Variants in GPRIN3 observed in about 807,000 individuals in gnomAD.
The protein encoded by GPRIN3 is G protein-regulated inducer of neurite outgrowth 3.
GPRIN3 carries 12 observed loss-of-function variants against 13.7 expected under a neutral mutation model. That is an observed-to-expected ratio of 0.87 (90% confidence interval 0.56 to 1.42). GPRIN3 has a LOEUF of 1.42. Ranked by LOEUF, GPRIN3 falls within the 40% of genes most tolerant of loss-of-function variation. The pLI, the probability that GPRIN3 is intolerant of heterozygous loss-of-function variation, is 0.00. For missense variants in GPRIN3, 1,009 were observed against 958.7 expected, an observed-to-expected ratio of 1.05 and a Z score of -0.69; for synonymous variants, 377 against 372.7, an observed-to-expected ratio of 1.01 and a Z score of -0.13.
intron 1 of GPRIN3, among the ~76,000 whole-genome samples, chr4:89,273,167 A>G (rs1249179502): frequency 2.6e-5 from 4 of 152,212 alleles, no homozygotes; most frequent in Non-Finnish European, 4.4e-5. Context: ...TAATGCAATC[A>G]CCACTAAAAA....
intron 1 of GPRIN3, among the ~76,000 whole-genome samples, chr4:89,264,649 G>A (rs1211061731): frequency 6.6e-6 from 1 of 152,100 alleles, no homozygotes. Context: ...GGTGAGGACA[G>A]AATAAGGGGC....
chr4:89,237,726 A>G lies in GPRIN3; in HGVS notation c.*10054T>C, dbSNP rs1236432598. On this transcript the variant is annotated 3_prime_UTR_variant, in exon 2 of 2. Coordinates refer to ENST00000609438, the MANE Select transcript of GPRIN3 (RefSeq NM_198281.3). The stretch of plus-strand genomic sequence containing the variant: ...AATTCAGACAGGGTGGTTGACCAAA[A>G]GTGATCTTATATTGTTTACAAAAGG... The G allele has an allele frequency of 1.3e-5, 2 of 152,198 alleles. No individual in the cohort carries two copies. The highest frequency in any genetic ancestry group is 2.9e-5 in the Non-Finnish European group (2 of 68,032). The allele number at this position is 152,198 out of a possible 1,614,324, so 9.4% of individuals were successfully genotyped here. A position where few individuals can be genotyped will look rare whatever the true frequency, so the allele number is the denominator to read the frequency against.
In GPRIN3 at chr4:89,238,660, G is replaced by A. The variant is rs1722846651; in HGVS notation, c.*9120C>T. On this transcript the variant is annotated 3_prime_UTR_variant, in exon 2 of 2. Transcript: ENST00000609438. The stretch of plus-strand genomic sequence containing the variant: ...GAAAAACCTCGCGTTTGATGACCAG[G>A]AGGAATTGTTGATTCTATGGGAATT... 6.6e-6 allele frequency: 1 copy of A among 152,014 alleles called. No individual in the cohort carries two copies. The highest frequency in any genetic ancestry group is 2.4e-5 in the African/African-American group (1 of 41,372). The allele number at this position is 152,014 out of a possible 1,614,324, so 9.4% of individuals were successfully genotyped here.
intron 1 of GPRIN3, among the ~76,000 whole-genome samples, chr4:89,275,136 C>CTGTGTGTGTGTGTGTGTGTGTGTGTG (rs56091424): frequency 1.3e-5 from 2 of 149,254 alleles, no homozygotes; most frequent in African/African-American, 5.0e-5. Context: ...CTAAGTAACT[C>CTGTGTGTGTGTGTGTGTGTGTGTGTG]TGTGTGTGTG....
intron 1 of GPRIN3, among the ~76,000 whole-genome samples, chr4:89,294,127 A>C (rs1277513591): frequency 6.6e-6 from 1 of 152,240 alleles, no homozygotes; most frequent in Non-Finnish European, 1.5e-5. Context: ...AAAACTAACA[A>C]TTAATTTGAA....
intron 1 of GPRIN3, among the ~76,000 whole-genome samples, chr4:89,290,553 G>C (rs531201429): frequency 6.6e-6 from 1 of 151,990 alleles, no homozygotes; most frequent in East Asian, 1.9e-4. Flanking sequence ...AAAATAACCC[G>C]TTCCTGATAC....
intron 1 of GPRIN3, among the ~76,000 whole-genome samples, chr4:89,301,148 T>C (rs1255624246): frequency 6.6e-6 from 1 of 152,144 alleles, no homozygotes. Flanking sequence ...GAAACTAATT[T>C]AGAGTGAAGG....
chr4:89,280,978 C>T (rs1724230594), intron 1 of GPRIN3, among the ~76,000 whole-genome samples: 1 of 152,018 alleles, frequency 6.6e-6, no homozygotes, highest in African/African-American at 2.4e-5. Context: ...GTTCTTCAGG[C>T]TTTATGGGAA....
At chr4:89,306,698 C>T (rs1217283881) in intron 1 of GPRIN3, among the ~76,000 whole-genome samples, 1 of 152,152 alleles carries the variant, frequency 6.6e-6, no homozygotes, top group African/African-American at 2.4e-5. Context: ...CTTTTGCCCA[C>T]CTCCTCGGCT....
chr4:89,260,283 C>T (rs1427932802), intron 1 of GPRIN3, among the ~76,000 whole-genome samples: 2 of 152,188 alleles, frequency 1.3e-5, no homozygotes, highest in Non-Finnish European at 1.5e-5. Flanking sequence ...GTCTTATGGT[C>T]TATACCTGCT....
chr4:89,287,441 G>GCACAGGAT (rs1444125478), intron 1 of GPRIN3, among the ~76,000 whole-genome samples: 1 of 152,158 alleles, frequency 6.6e-6, no homozygotes, highest in African/African-American at 2.4e-5. Context: ...CTATTTCCTA[G>GCACAGGAT]CACAGGATAA....
chr4:89,294,396 T>C (rs1424021780), intron 1 of GPRIN3, among the ~76,000 whole-genome samples: 1 of 152,158 alleles, frequency 6.6e-6, no homozygotes, highest in Non-Finnish European at 1.5e-5. Context: ...GAAAGAAAAT[T>C]GAAACCAATT....
intron 1 of GPRIN3, among the ~76,000 whole-genome samples, chr4:89,251,607 A>C (rs1049841759): frequency 6.6e-6 from 1 of 152,262 alleles, no homozygotes; most frequent in Non-Finnish European, 1.5e-5. Flanking sequence ...AGTATTATGC[A>C]ACCAGTAAAG....
chr4:89,236,966 A>G lies in GPRIN3; in HGVS notation c.*10814T>C, dbSNP rs962877348. 6.6e-6 allele frequency: 1 copy of G among 152,208 alleles called. No homozygotes were observed. The highest frequency in any genetic ancestry group is 2.4e-5 in the African/African-American group (1 of 41,446). 9.4% of individuals were successfully genotyped at this position (152,208 alleles called of 1,614,324 possible). A position where few individuals can be genotyped will look rare whatever the true frequency, so the allele number is the denominator to read the frequency against. On this transcript the variant is annotated 3_prime_UTR_variant, in exon 2 of 2. Coordinates refer to ENST00000609438, the MANE Select transcript of GPRIN3 (RefSeq NM_198281.3). ...AGCAAATGCTTTGGAGCCCTTTAAG[A>G]AGTCTTATCTTGCTTTTAAACACCT... is the stretch of plus-strand genomic sequence containing the variant.
intron 1 of GPRIN3, among the ~76,000 whole-genome samples, chr4:89,260,389 C>T (rs1019254679): frequency 8.5e-5 from 13 of 152,100 alleles, no homozygotes; most frequent in African/African-American, 2.7e-4. Flanking sequence ...TTTGCTGGGG[C>T]CACAATCTTC....
chr4:89,291,895 A>G (rs1724582650), intron 1 of GPRIN3, among the ~76,000 whole-genome samples: 1 of 134,570 alleles, frequency 7.4e-6, no homozygotes, highest in South Asian at 2.3e-4. Context: ...TTAACATTTC[A>G]TCTTTTTAGA....
chr4:89,302,761 T>C (rs1724931538), intron 1 of GPRIN3, among the ~76,000 whole-genome samples: 1 of 152,196 alleles, frequency 6.6e-6, no homozygotes, highest in South Asian at 2.1e-4. Context: ...AGACTCTAAA[T>C]GTTTTTGTTA....
At chr4:89,265,898 T>C (rs1723766283) in intron 1 of GPRIN3, among the ~76,000 whole-genome samples, 1 of 152,228 alleles carries the variant, frequency 6.6e-6, no homozygotes, top group African/African-American at 2.4e-5. Flanking sequence ...TGATAAGATA[T>C]GACAATTTTT....
At chr4:89,276,797 A>C (rs1217696317) in intron 1 of GPRIN3, among the ~76,000 whole-genome samples, 1 of 152,148 alleles carries the variant, frequency 6.6e-6, no homozygotes, top group Non-Finnish European at 1.5e-5. Flanking sequence ...GGAGGGGACA[A>C]TGTTGGCTGG....
Sources: allele counts gnomAD v4.1 joint callset (sites outside exome capture counted in the v4.1 genomes callset), GRCh38; gene constraint gnomAD v4.1.1; transcripts MANE v1.5; gene names NCBI Gene and HGNC (gene_info 2026-07-23, HGNC 2026-07-21).